Variants in FHIP1A observed in about 807,000 individuals in gnomAD.
The protein encoded by FHIP1A is FHF complex subunit HOOK-interacting protein 1A.
In FHIP1A, 61 loss-of-function variants were observed where a neutral mutation model predicts 88.6. The ratio of observed to expected loss-of-function variants is 0.69; its 90% CI spans 0.56 to 0.85. The LOEUF is 0.85. Among genes scored for constraint, FHIP1A ranks in the 40% least tolerant of loss-of-function variants. FHIP1A has a pLI of 0.00. For synonymous variants in FHIP1A, 478 were observed against 496.0 expected (o/e 0.96, Z 0.48); for missense variants, 1,154 against 1,273.5 (o/e 0.91, Z 1.43).
chr4:151,666,582 T>C lies in FHIP1A; in HGVS notation c.*3828T>C, dbSNP rs902472102. On this transcript the variant is annotated 3_prime_UTR_variant, in exon 14 of 14. Transcript: ENST00000435205. ...AATCTAGAAACAGGCTACATGAATA[T>C]TGGGGTTGCCTGTTTAATTTGGGCA... is the stretch of plus-strand genomic sequence containing the variant. 3.3e-5 allele frequency among the ~76,000 whole-genome samples: 5 copies of C among 152,192 alleles called. No homozygotes were observed. Among genetic ancestry groups the C allele is most frequent in the Non-Finnish European group, 5.9e-5 (4 of 68,026 alleles).
intron 2 of FHIP1A, among the ~76,000 whole-genome samples, chr4:151,471,949 C>T (rs1311664442): frequency 1.3e-5 from 2 of 152,276 alleles, no homozygotes; most frequent in East Asian, 3.9e-4. Context: ...GCCATTCATT[C>T]ATTCCTTTTT....
At chr4:151,658,697 T>A (rs1737341941) in intron 13 of FHIP1A, among the ~76,000 whole-genome samples, 1 of 152,126 alleles carries the variant, frequency 6.6e-6, no homozygotes, top group African/African-American at 2.4e-5. Flanking sequence ...TGCAACAAGT[T>A]GTGGGCATTC....
At chr4:151,577,268 A>G (rs766707449) in intron 4 of FHIP1A, among the ~76,000 whole-genome samples, 182 bp from the exon 5 acceptor site, 4 of 152,160 alleles carry the variant, frequency 2.6e-5, no homozygotes, top group Non-Finnish European at 4.4e-5. Flanking sequence ...TTCTTTCTAT[A>G]GTTTAACTCC....
chr4:151,596,143 GT>G (rs1734639133), intron 7 of FHIP1A, among the ~76,000 whole-genome samples: 1 of 152,198 alleles, frequency 6.6e-6, no homozygotes, highest in African/African-American at 2.4e-5. Context: ...AATTTGGTAT[GT>G]TTCTGCAGTG....
intron 3 of FHIP1A, among the ~76,000 whole-genome samples, chr4:151,489,146 A>G (rs991351868): frequency 6.6e-6 from 1 of 152,212 alleles, no homozygotes; most frequent in Non-Finnish European, 1.5e-5. Context: ...CTGCACCCAC[A>G]TCCCACTGGG....
At chr4:151,444,183 A>G (rs574057899) in intron 1 of FHIP1A, among the ~76,000 whole-genome samples, 16 of 152,178 alleles carry the variant, frequency 1.1e-4, no homozygotes, top group African/African-American at 2.9e-4. Flanking sequence ...TTTCCTTCCA[A>G]TGAGCTCTTT....
intron 3 of FHIP1A, among the ~76,000 whole-genome samples, chr4:151,547,517 T>G (rs1385114997): frequency 1.3e-5 from 2 of 152,202 alleles, no homozygotes; most frequent in Non-Finnish European, 2.9e-5. Context: ...TTTTAAAATA[T>G]GTGAAGCACC....
chr4:151,531,057 G>T (rs1731860963), intron 3 of FHIP1A, among the ~76,000 whole-genome samples: 1 of 152,046 alleles, frequency 6.6e-6, no homozygotes, highest in Non-Finnish European at 1.5e-5. Context: ...ATATTCTGTT[G>T]TCACCCTAGA....
chr4:151,509,773 G>GTGTA lies in FHIP1A; in HGVS notation c.-123+27128_-123+27129insATGT, dbSNP rs201071055. Among the ~76,000 whole-genome samples, 1,016 of 151,846 alleles carry GTGTA rather than the reference G, an allele frequency of 6.7e-3. 13 individuals carry two copies. Among genetic ancestry groups the GTGTA allele is most frequent in the African/African-American group, 0.024 (987 of 41,390 alleles). On this transcript the variant is annotated intron_variant, in intron 3 of 13. Transcript: ENST00000435205. ...TGTCTCTATGTTTGTGTGTGTGTGT[G>GTGTA]TGTGTGTGTGTGTGTAGGTATATAT...
chr4:151,621,251 C>T (rs540217842), intron 7 of FHIP1A, among the ~76,000 whole-genome samples: 7 of 152,126 alleles, frequency 4.6e-5, no homozygotes, highest in Admixed American at 3.9e-4. Context: ...ATGGGATGCT[C>T]CTCTGTGATT....
intron 3 of FHIP1A, among the ~76,000 whole-genome samples, chr4:151,491,373 T>TATA (rs1370459531): frequency 3.9e-5 from 6 of 152,220 alleles, no homozygotes; most frequent in Non-Finnish European, 8.8e-5. Context: ...CATCCAAGAA[T>TATA]TTTGTATCCA....
At chr4:151,416,483 C>G (rs965917116) in intron 1 of FHIP1A, among the ~76,000 whole-genome samples, 1 of 152,054 alleles carries the variant, frequency 6.6e-6, no homozygotes, top group Middle Eastern at 3.4e-3. Flanking sequence ...CATACATACC[C>G]CCTATATTTA....
intron 1 of FHIP1A, among the ~76,000 whole-genome samples, chr4:151,434,214 A>G (rs940644915): frequency 6.6e-6 from 1 of 152,186 alleles, no homozygotes; most frequent in East Asian, 1.9e-4. Flanking sequence ...TTACTACCCT[A>G]ATTTATACTC....
intron 4 of FHIP1A, among the ~76,000 whole-genome samples, chr4:151,575,681 A>C (rs763633250): frequency 2.6e-5 from 4 of 152,200 alleles, no homozygotes; most frequent in Non-Finnish European, 4.4e-5. Flanking sequence ...TTATAATGGA[A>C]GTCAATAGAG....
rs570991354 is a variant in FHIP1A at position 151,487,334 on chromosome 4, T to A, written c.-123+4686T>A. Among the ~76,000 whole-genome samples, 11 of 152,330 alleles carry A rather than the reference T, an allele frequency of 7.2e-5. 1 individual carries two copies. The highest frequency in any genetic ancestry group is 1.9e-4 in the African/African-American group (8 of 41,582). ...TCTTCTTTTCAGTCTTTTTTTTCTCTGTTCATCCCTTGGATTTAGGAAATT... is the reference window on the plus strand; with the variant it reads ...TCTTCTTTTCAGTCTTTTTTTTCTCAGTTCATCCCTTGGATTTAGGAAATT... On this transcript the variant is annotated intron_variant, in intron 3 of 13. Coordinates refer to ENST00000435205, the MANE Select transcript of FHIP1A (RefSeq NM_001109977.3).
rs1737748919 is a variant in FHIP1A, at chr4:151,668,604, T to C, written c.*5850T>C. On this transcript the variant is annotated 3_prime_UTR_variant, in exon 14 of 14. Transcript: ENST00000435205. ...CCCTGGACAGAGATCAAACAGCTCC[T>C]TTCTAGACCCAGATGACCCAGAACG... is the stretch of plus-strand genomic sequence containing the variant. 6.6e-6 allele frequency among the ~76,000 whole-genome samples: 1 copy of C among 152,212 alleles called. No individual in the cohort carries two copies. Among genetic ancestry groups the C allele is most frequent in the Non-Finnish European group, 1.5e-5 (1 of 68,032 alleles).
At chr4:151,431,742 T>C (rs965572719) in intron 1 of FHIP1A, among the ~76,000 whole-genome samples, 1 of 152,186 alleles carries the variant, frequency 6.6e-6, no homozygotes. Flanking sequence ...CCCATTCAAG[T>C]TCAAGCAAAA....
At chr4:151,555,054 A>G (rs1054437414) in intron 3 of FHIP1A, among the ~76,000 whole-genome samples, 5 of 152,140 alleles carry the variant, frequency 3.3e-5, no homozygotes, top group South Asian at 2.1e-4. Context: ...TCTCCCCCCA[A>G]TCACAGAAGC....
intron 7 of FHIP1A, among the ~76,000 whole-genome samples, chr4:151,619,971 G>T (rs891435652): frequency 1.2e-4 from 19 of 152,082 alleles, no homozygotes; most frequent in African/African-American, 4.1e-4. Flanking sequence ...GCAGGGAAAT[G>T]TGGTTTTTTA....
Sources: allele counts gnomAD v4.1 joint callset (sites outside exome capture counted in the v4.1 genomes callset), GRCh38; gene constraint gnomAD v4.1.1; transcripts MANE v1.5; gene names NCBI Gene and HGNC (gene_info 2026-07-23, HGNC 2026-07-21).